GLT6D1: variants seen among roughly 807,000 people sequenced by gnomAD.
GLT6D1 encodes glycosyltransferase 6 domain containing 1.
GLT6D1 carries 9 observed loss-of-function variants against 12.3 expected under a neutral mutation model. The ratio of observed to expected loss-of-function variants is 0.73; its 90% CI spans 0.44 to 1.27. GLT6D1 has a LOEUF of 1.27. GLT6D1 is among the 50% of genes most tolerant of loss of function. The pLI, the probability that GLT6D1 is intolerant of heterozygous loss-of-function variation, is 0.00. For missense variants in GLT6D1, 335 were observed against 346.2 expected (o/e 0.97, Z 0.26); for synonymous variants, 128 against 132.3 (o/e 0.97, Z 0.23).
At chr9:135,630,594 C>A (rs1029167399) in intron 3 of GLT6D1, among the ~76,000 whole-genome samples, 4 of 151,876 alleles carry the variant, frequency 2.6e-5, no homozygotes, top group African/African-American at 4.8e-5. Flanking sequence ...CTGGCAGGCA[C>A]CTGTAATCCC....
At chr9:135,627,002 C>A (rs369140694) in intron 3 of GLT6D1, among the ~76,000 whole-genome samples, 1 of 152,196 alleles carries the variant, frequency 6.6e-6, no homozygotes, top group East Asian at 1.9e-4. Context: ...GGAATCCCCT[C>A]AACTTGACAA....
chr9:135,628,616 C>T (rs1051724579), intron 3 of GLT6D1, among the ~76,000 whole-genome samples: 2 of 151,962 alleles, frequency 1.3e-5, no homozygotes, highest in Non-Finnish European at 2.9e-5. Flanking sequence ...TTGAAAAACA[C>T]TCCTCTTTTA....
chr9:135,629,812 A>G (rs1243952408), intron 3 of GLT6D1, among the ~76,000 whole-genome samples: 1 of 152,056 alleles, frequency 6.6e-6, no homozygotes, highest in African/African-American at 2.4e-5. Flanking sequence ...TTATTGATGG[A>G]TTGATCCTTT....
Position 135,624,917 on chromosome 9 carries a change from T to G in GLT6D1, c.258-247A>C, listed in dbSNP as rs28399734. Among the ~76,000 whole-genome samples the G allele has an allele frequency of 2.0e-3, 274 of 135,832 alleles. 2 individuals carry two copies. The highest frequency in any genetic ancestry group is 6.9e-3 in the African/African-American group (258 of 37,338). 89.1% of individuals were successfully genotyped at this position (135,832 alleles called of 152,430 possible). On this transcript the variant is annotated intron_variant, in intron 4 of 4. Coordinates refer to ENST00000371763, the MANE Select transcript of GLT6D1 (RefSeq NM_182974.3). ...GGTAATTTTTTTTTTTTTTTTTTTG[T>G]ATTTTCAGTAGAGATGGTATTTCAC...
At chr9:135,632,684 T>C (rs1195446978) in intron 2 of GLT6D1, among the ~76,000 whole-genome samples, 8 of 128,296 alleles carry the variant, frequency 6.2e-5, no homozygotes, top group Non-Finnish European at 1.0e-4. Flanking sequence ...TTTTTTTTTT[T>C]CGAGACAGAG....
At chr9:135,625,281 G>A (rs1340574079) in intron 4 of GLT6D1, among the ~76,000 whole-genome samples, 1 of 152,124 alleles carries the variant, frequency 6.6e-6, no homozygotes, top group Non-Finnish European at 1.5e-5. Context: ...TGAGTCAAAA[G>A]GTTCCCACTG....
At chr9:135,627,735 A>T (rs1426127668) in intron 3 of GLT6D1, among the ~76,000 whole-genome samples, 1 of 152,208 alleles carries the variant, frequency 6.6e-6, no homozygotes, top group African/African-American at 2.4e-5. Context: ...TTTTTGAGGA[A>T]CTGACAAACT....
At chr9:135,640,360 T>G (rs1438374658), upstream of GLT6D1, among the ~76,000 whole-genome samples, 1 of 152,208 alleles carries the variant, frequency 6.6e-6, no homozygotes, top group African/African-American at 2.4e-5. Flanking sequence ...AAATAAATTA[T>G]GAAAATTAAT....
chr9:135,630,925 G>C (rs1163738341), intron 3 of GLT6D1, among the ~76,000 whole-genome samples: 1 of 151,742 alleles, frequency 6.6e-6, no homozygotes, highest in African/African-American at 2.4e-5. Context: ...TGCATTCTTT[G>C]GCCTAATAAC....
rs1310008277 is a variant in GLT6D1, at chr9:135,624,314, T to C, written c.614A>G (p.Asn205Ser). 8.1e-6 allele frequency: 13 copies of C among 1,610,088 alleles called. No homozygotes were observed. Among genetic ancestry groups the C allele is most frequent in the Non-Finnish European group, 1.1e-5 (13 of 1,177,788 alleles). The change falls in exon 5 of 5, where the codon AAC becomes AGC. Residue 205 changes from asparagine (N) to serine (S), a missense_variant. Physicochemically the swap from Asn to Ser is conservative, Grantham distance 46. Transcript: ENST00000371763. ...GGTCGGCCTCCTCTCATAAGGGAAGTTCTTGGTGTTTCTGAAATACCACCA... is the reference window on the plus strand; with the variant it reads ...GGTCGGCCTCCTCTCATAAGGGAAGCTCTTGGTGTTTCTGAAATACCACCA... ...HAWWYFRNTKNFPYERRPTSA... is the reference protein window; with the variant it reads ...HAWWYFRNTKSFPYERRPTSA...
intron 2 of GLT6D1, among the ~76,000 whole-genome samples, chr9:135,633,418 G>A (rs140584876): frequency 6.6e-6 from 1 of 151,686 alleles, no homozygotes; most frequent in African/African-American, 2.4e-5. Context: ...CCTGGCTAAT[G>A]TTTTTTTAAT....
At chr9:135,633,227 G>A (rs115639624) in intron 2 of GLT6D1, among the ~76,000 whole-genome samples, 421 of 152,144 alleles carry the variant, frequency 2.8e-3, no homozygotes, top group Middle Eastern at 0.017. Flanking sequence ...CGCCGGCTGA[G>A]ATGACTTTTC....
chr9:135,634,465 G>GTTTTTTTTTTTTTTTTTTTTTTT (rs1833723992), intron 2 of GLT6D1, among the ~76,000 whole-genome samples: 2 of 103,244 alleles, frequency 1.9e-5, no homozygotes, highest in African/African-American at 3.8e-5. Context: ...TTTTTTTTTT[G>GTTTTTTTTTTTTTTTTTTTTTTT]GCATGATTTA....
intron 2 of GLT6D1, among the ~76,000 whole-genome samples, chr9:135,637,347 T>C (rs1833799613): frequency 6.6e-6 from 1 of 150,408 alleles, no homozygotes; most frequent in African/African-American, 2.5e-5. Context: ...AGAGTTTCTA[T>C]AAACATCTTG....
intron 1 of GLT6D1, 49 bp from the exon 2 acceptor site, chr9:135,639,242 A>G (rs1588208115): frequency 9.4e-7 from 1 of 1,062,564 alleles, no homozygotes; most frequent in Non-Finnish European, 1.4e-6. Flanking sequence ...AAAAAATGAC[A>G]TATTTGTCAT....
chr9:135,623,862 C>T lies in GLT6D1; in HGVS notation c.*235G>A, dbSNP rs773139183. On this transcript the variant is annotated 3_prime_UTR_variant, in exon 5 of 5. Coordinates refer to ENST00000371763, the MANE Select transcript of GLT6D1 (RefSeq NM_182974.3). ...ATCCTACATTAGCCAAATAAGATGG[C>T]TCAAAATGGCAAGAAGAAACATTTA... The T allele has an allele frequency of 2.2e-6, 1 of 455,944 alleles. No individual in the cohort carries two copies. The highest frequency in any genetic ancestry group is 3.9e-5 in the East Asian group (1 of 25,512). The allele number at this position is 455,944 out of a possible 1,614,324, so 28.2% of individuals were successfully genotyped here.
At chr9:135,626,239 G>A (rs759815138) in intron 3 of GLT6D1, 33 bp from the exon 4 acceptor site, 2 of 1,609,220 alleles carry the variant, frequency 1.2e-6, no homozygotes, top group East Asian at 2.2e-5. Flanking sequence ...AACAGGGAGT[G>A]CTTTACTGAG....
Position 135,624,688 on chromosome 9 carries a change from G to C in GLT6D1, c.258-18C>G. 1.5e-6 allele frequency: 2 copies of C among 1,373,124 alleles called. No individual in the cohort carries two copies. The highest frequency in any genetic ancestry group is 1.9e-6 in the Non-Finnish European group (2 of 1,030,562). The allele number at this position is 1,373,124 out of a possible 1,614,324, so 85.1% of individuals were successfully genotyped here. On this transcript the variant is annotated intron_variant, in intron 4 of 4. Coordinates refer to ENST00000371763, the MANE Select transcript of GLT6D1 (RefSeq NM_182974.3). ...CTGCAAACCTAGGAAACACACAGTG[G>C]GGAAGAAACTTACTTTTCTCTTTTT...
At position 135,623,801 on chromosome 9, in the gene GLT6D1, G is replaced by C; in HGVS notation, c.*296C>G. On this transcript the variant is annotated 3_prime_UTR_variant, in exon 5 of 5. Transcript: ENST00000371763. Reference sequence around the variant, plus strand: ...ACAATACATAGATAATAACATTACTGTGTATTAACATTAAGTAATTATCCT... The same window carrying C: ...ACAATACATAGATAATAACATTACTCTGTATTAACATTAAGTAATTATCCT... The C allele has an allele frequency of 3.6e-6, 1 of 276,464 alleles. No individual in the cohort carries two copies. The highest frequency in any genetic ancestry group is 6.8e-6 in the Non-Finnish European group (1 of 147,360). 17.1% of individuals were successfully genotyped at this position (276,464 alleles called of 1,614,324 possible).
Sources: gnomAD v4.1 joint callset for allele counts (sites outside exome capture counted in the v4.1 genomes callset) on GRCh38, gnomAD v4.1.1 for gene constraint, MANE v1.5 for transcripts, NCBI Gene and HGNC (gene_info 2026-07-23, HGNC 2026-07-21) for gene names.